The following NRXN1 variants were observed in gnomAD, a reference collection of about 807,000 sequenced individuals.
NRXN1 encodes neurexin-1.
Under a neutral mutation model 150.9 loss-of-function variants are expected in NRXN1, and 39 were observed. The observed-to-expected ratio is 0.26, with a 90% CI of 0.20 to 0.34. The LOEUF (loss-of-function observed/expected upper bound fraction) is 0.34. NRXN1 is among the 10% of genes least tolerant of loss of function. The probability of loss-of-function intolerance (pLI) is 1.00; values close to 1 mark genes in which losing one functional copy is unlikely to be tolerated. For missense variants in NRXN1, 1,815 were observed against 1,949.9 expected, an observed-to-expected ratio of 0.93 and a Z score of 1.30; for synonymous variants, 924 against 757.0, an observed-to-expected ratio of 1.22 and a Z score of -3.62.
At chr2:50,132,095 A>C (rs968755435) in intron 18 of NRXN1, among the ~76,000 whole-genome samples, 3 of 152,176 alleles carry the variant, frequency 2.0e-5, no homozygotes, top group African/African-American at 4.8e-5. Flanking sequence ...ATTGAAATAC[A>C]TTTGACCTCA....
intron 2 of NRXN1, among the ~76,000 whole-genome samples, chr2:50,999,399 T>C (rs1435868356): frequency 1.3e-5 from 2 of 151,880 alleles, no homozygotes; most frequent in East Asian, 2.0e-4. Context: ...GGAATGAAGG[T>C]GTTTATATGG....
rs113718662 is a variant in NRXN1 at position 50,911,099 on chromosome 2, T to C, written c.832+10770A>G. ...CAACAGATGGGACCACTGAGAGATTTATCTTTGGCAAGGGGATAATTTTTG... is the reference window on the plus strand; with the variant it reads ...CAACAGATGGGACCACTGAGAGATTCATCTTTGGCAAGGGGATAATTTTTG... On this transcript the variant is annotated intron_variant, in intron 5 of 22. Coordinates refer to ENST00000401669, the MANE Select transcript of NRXN1 (RefSeq NM_001330078.2). Among the ~76,000 whole-genome samples, 4 of 152,228 alleles carry C rather than the reference T, an allele frequency of 2.6e-5. 1 individual carries two copies. The highest frequency in any genetic ancestry group is 9.6e-5 in the African/African-American group (4 of 41,558).
intron 15 of NRXN1, among the ~76,000 whole-genome samples, chr2:50,490,973 C>T (rs2091221234): frequency 6.6e-6 from 1 of 151,974 alleles, no homozygotes; most frequent in African/African-American, 2.4e-5. Flanking sequence ...TAACCTCAAA[C>T]AGCAACAACA....
chr2:50,416,894 C>A (rs868308772), intron 17 of NRXN1, among the ~76,000 whole-genome samples: 1 of 152,062 alleles, frequency 6.6e-6, no homozygotes, highest in Non-Finnish European at 1.5e-5. Flanking sequence ...GGGGACACAG[C>A]CAAACCATGT....
At position 50,792,558 on chromosome 2, in the gene NRXN1, T is replaced by A. The variant is rs1030783733; in HGVS notation, c.832+129311A>T. On this transcript the variant is annotated intron_variant, in intron 5 of 22. Coordinates refer to ENST00000401669, the MANE Select transcript of NRXN1 (RefSeq NM_001330078.2). ...TCTGTAATATAAAAATAGGAAGGGA[T>A]GGTATTGGTTGTAGTTGAATATTTA... Among the ~76,000 whole-genome samples, 7 of 152,218 alleles carry A rather than the reference T, an allele frequency of 4.6e-5. No individual in the cohort carries two copies. The South Asian group carries it at 1.5e-3, about 32-fold the overall frequency.
chr2:50,612,476 G>T (rs1421648226), intron 8 of NRXN1, among the ~76,000 whole-genome samples: 3 of 152,058 alleles, frequency 2.0e-5, no homozygotes, highest in Non-Finnish European at 4.4e-5. Flanking sequence ...TTGCAAAGTT[G>T]TTGTTTTACT....
intron 2 of NRXN1, among the ~76,000 whole-genome samples, chr2:50,961,694 T>C (rs1345264350): frequency 2.6e-5 from 4 of 151,862 alleles, no homozygotes; most frequent in Non-Finnish European, 5.9e-5. Flanking sequence ...TTTTAACCAA[T>C]GATTCTAGTC....
chr2:50,970,305 A>G (rs539653684), intron 2 of NRXN1, among the ~76,000 whole-genome samples: 1 of 152,198 alleles, frequency 6.6e-6, no homozygotes, highest in South Asian at 2.1e-4. Context: ...GAGGTCAGAG[A>G]AAAACTTTAG....
At chr2:50,971,749 C>T (rs1490158283) in intron 2 of NRXN1, among the ~76,000 whole-genome samples, 2 of 152,024 alleles carry the variant, frequency 1.3e-5, no homozygotes, top group African/African-American at 4.8e-5. Flanking sequence ...CACTTGTAAA[C>T]ACTCTGTAAA....
At position 49,978,168 on chromosome 2, in the gene NRXN1, A is replaced by G. The variant is rs369899545; in HGVS notation, c.4129-34377T>C. On this transcript the variant is annotated intron_variant, in intron 21 of 22. Coordinates refer to ENST00000401669, the MANE Select transcript of NRXN1 (RefSeq NM_001330078.2). ...AGAGCGAGACTCCATCCCCCACAAA[A>G]AAGAAAATGTAGTAATTACAGGGAT... is the stretch of plus-strand genomic sequence containing the variant. Among the ~76,000 whole-genome samples, 40 of 152,254 alleles carry G rather than the reference A, an allele frequency of 2.6e-4. 1 individual carries two copies. The East Asian group carries it at 6.6e-3, about 25-fold the overall frequency.
intron 5 of NRXN1, among the ~76,000 whole-genome samples, chr2:50,860,647 A>G (rs571227961): frequency 7.8e-4 from 119 of 152,026 alleles, no homozygotes; most frequent in Non-Finnish European, 1.4e-3. Flanking sequence ...AGTCCTAGAA[A>G]GCCACACAGG....
intron 9 of NRXN1, among the ~76,000 whole-genome samples, chr2:50,552,194 A>AT (rs1220510105): frequency 3.4e-4 from 52 of 151,686 alleles, no homozygotes; most frequent in Non-Finnish European, 5.7e-4. Context: ...GATCATTCTA[A>AT]TTTTTTTTTC....
At chr2:50,219,380 TAGAC>T (rs1182019005) in intron 18 of NRXN1, among the ~76,000 whole-genome samples, 2 of 150,482 alleles carry the variant, frequency 1.3e-5, no homozygotes, top group Non-Finnish European at 1.5e-5. Flanking sequence ...AAAGAGCTCT[TAGAC>T]AGTCAGAACA....
intron 17 of NRXN1, among the ~76,000 whole-genome samples, chr2:50,416,028 C>T (rs1198251014): frequency 2.6e-5 from 4 of 151,632 alleles, no homozygotes; most frequent in Admixed American, 1.3e-4. Flanking sequence ...TTAGTACCTC[C>T]TATATGGTAG....
intron 5 of NRXN1, among the ~76,000 whole-genome samples, chr2:50,765,212 A>G (rs1702246859): frequency 6.6e-6 from 1 of 152,002 alleles, no homozygotes; most frequent in African/African-American, 2.4e-5. Context: ...CTCCTGTTCT[A>G]GTACGCTTTA....
intron 9 of NRXN1, among the ~76,000 whole-genome samples, chr2:50,538,934 C>T (rs1343279897): frequency 6.6e-6 from 1 of 152,112 alleles, no homozygotes; most frequent in Non-Finnish European, 1.5e-5. Context: ...TGTATACATA[C>T]ATTAAAAATA....
At chr2:49,990,045 C>G (rs563151853) in intron 21 of NRXN1, among the ~76,000 whole-genome samples, 1 of 151,808 alleles carries the variant, frequency 6.6e-6, no homozygotes, top group Non-Finnish European at 1.5e-5. Flanking sequence ...AGATCAGTTC[C>G]CAGACAACAG....
intron 5 of NRXN1, among the ~76,000 whole-genome samples, chr2:50,659,834 T>C (rs1345011145): frequency 3.3e-5 from 5 of 151,864 alleles, no homozygotes; most frequent in African/African-American, 4.8e-5. Context: ...ATTATAACTA[T>C]GATTTATACT....
chr2:50,411,763 A>C, intron 17 of NRXN1, among the ~76,000 whole-genome samples: 1 of 144,154 alleles, frequency 6.9e-6, no homozygotes, highest in Non-Finnish European at 1.5e-5. Flanking sequence ...CGGCCGCCCC[A>C]TCTGGGAAGT....
Sources: gnomAD v4.1 joint callset for allele counts (sites outside exome capture counted in the v4.1 genomes callset) on GRCh38, gnomAD v4.1.1 for gene constraint, MANE v1.5 for transcripts, NCBI Gene and HGNC (gene_info 2026-07-23, HGNC 2026-07-21) for gene names.